LYPD6: variants seen among roughly 807,000 people sequenced by gnomAD.
LYPD6 encodes the protein ly6/PLAUR domain-containing protein 6.
In LYPD6, 15 loss-of-function variants were observed where a neutral mutation model predicts 22.7. The ratio of observed to expected loss-of-function variants is 0.66; its 90% CI spans 0.44 to 1.02. LYPD6 has a LOEUF of 1.02. Among genes scored for constraint, LYPD6 ranks in the 50% least tolerant of loss-of-function variants. The pLI is 0.00. For synonymous variants in LYPD6, 72 were observed against 77.5 expected (o/e 0.93, Z 0.37); for missense variants, 189 against 208.4 (o/e 0.91, Z 0.57).
At chr2:149,451,452 C>T (rs1016582734) in intron 3 of LYPD6, among the ~76,000 whole-genome samples, 3 of 152,136 alleles carry the variant, frequency 2.0e-5, no homozygotes, top group Non-Finnish European at 2.9e-5. Context: ...ACTGACTGAG[C>T]TTTGAGGTAA....
chr2:149,404,186 T>G (rs1183119433), intron 1 of LYPD6, among the ~76,000 whole-genome samples: 1 of 152,212 alleles, frequency 6.6e-6, no homozygotes, highest in Non-Finnish European at 1.5e-5. Flanking sequence ...AGCTTTGTTC[T>G]TTTGGCTTAG....
At chr2:149,376,636 G>A (rs1486646247) in intron 1 of LYPD6, among the ~76,000 whole-genome samples, 1 of 152,176 alleles carries the variant, frequency 6.6e-6, no homozygotes, top group African/African-American at 2.4e-5. Flanking sequence ...TGCCATACAT[G>A]TGTAGAAGAT....
At chr2:149,428,713 G>C (rs1363662125) in intron 1 of LYPD6, among the ~76,000 whole-genome samples, 1 of 152,240 alleles carries the variant, frequency 6.6e-6, no homozygotes, top group Non-Finnish European at 1.5e-5. Context: ...GGTGTTAGCA[G>C]AAGACCCGTT....
At chr2:149,370,310 A>G (rs1037531486) in intron 1 of LYPD6, among the ~76,000 whole-genome samples, 1 of 152,060 alleles carries the variant, frequency 6.6e-6, no homozygotes, top group Non-Finnish European at 1.5e-5. Context: ...TCTGAAGTAA[A>G]TGCTCCTGTG....
At chr2:149,356,474 G>A (rs1196699) in intron 1 of LYPD6, among the ~76,000 whole-genome samples, 84,066 of 152,046 alleles carry the variant, frequency 0.55, 25,951 homozygotes, top group East Asian at 0.9. Flanking sequence ...CCCAAGTATG[G>A]CTACTGGCCT....
At chr2:149,447,899 G>A (rs1022543369) in intron 2 of LYPD6, among the ~76,000 whole-genome samples, 1 of 152,188 alleles carries the variant, frequency 6.6e-6, no homozygotes, top group African/African-American at 2.4e-5. Flanking sequence ...AGTTTGGGAG[G>A]CCGAGGCTGG....
At chr2:149,399,736 AAAT>A (rs2105107384) in intron 1 of LYPD6, among the ~76,000 whole-genome samples, 1 of 151,262 alleles carries the variant, frequency 6.6e-6, no homozygotes, top group South Asian at 2.1e-4. Flanking sequence ...GGATAAATAA[AAAT>A]AAGTACATAA....
At chr2:149,426,810 G>A (rs1314474508) in intron 1 of LYPD6, among the ~76,000 whole-genome samples, 1 of 152,118 alleles carries the variant, frequency 6.6e-6, no homozygotes, top group Admixed American at 6.5e-5. Flanking sequence ...TAATAATGTG[G>A]GTAAGCAGGG....
chr2:149,383,725 G>A (rs1682119540), intron 1 of LYPD6, among the ~76,000 whole-genome samples: 1 of 152,162 alleles, frequency 6.6e-6, no homozygotes, highest in South Asian at 2.1e-4. Flanking sequence ...TCAATTTAAA[G>A]CATTGGTCCA....
chr2:149,443,276 A>C (rs1465444783), intron 2 of LYPD6, among the ~76,000 whole-genome samples: 1 of 152,200 alleles, frequency 6.6e-6, no homozygotes, highest in Non-Finnish European at 1.5e-5. Flanking sequence ...TTCATTCAGA[A>C]TTCTTAATTT....
chr2:149,393,551 G>A lies in LYPD6; in HGVS notation c.-71-44087G>A, dbSNP rs558902779. Among the ~76,000 whole-genome samples, 17 of 152,324 alleles carry A rather than the reference G, an allele frequency of 1.1e-4. No individual in the cohort carries two copies. The South Asian group carries it at 2.1e-3, about 19-fold the overall frequency. On this transcript the variant is annotated intron_variant, in intron 1 of 4. Coordinates refer to ENST00000334166, the MANE Select transcript of LYPD6 (RefSeq NM_194317.5). ...GCCCACTGAGTTAGGGGGCATAAAA[G>A]CAGAGTGGACAGGGCAGCCTCACCA...
intron 1 of LYPD6, among the ~76,000 whole-genome samples, chr2:149,349,134 T>C (rs1681314484): frequency 6.6e-6 from 1 of 151,732 alleles, no homozygotes; most frequent in African/African-American, 2.4e-5. Flanking sequence ...AATGGAGAAA[T>C]GGAGTAGGAG....
Position 149,433,633 on chromosome 2 carries a change from A to G in LYPD6, c.-71-4005A>G, listed in dbSNP as rs188792479. 9.4e-4 allele frequency among the ~76,000 whole-genome samples: 143 copies of G among 152,274 alleles called. No homozygotes were observed. The South Asian group carries it at 0.01, about 11-fold the overall frequency. The stretch of plus-strand genomic sequence containing the variant: ...TGGCCATTTGGGTTTTTTAGCTTCT[A>G]TGAGCAGAGTGCTGTACTCCAGTCC... On this transcript the variant is annotated intron_variant, in intron 1 of 4. Transcript: ENST00000334166.
At chr2:149,406,656 A>AG (rs1179382542) in intron 1 of LYPD6, among the ~76,000 whole-genome samples, 1 of 152,232 alleles carries the variant, frequency 6.6e-6, no homozygotes, top group Non-Finnish European at 1.5e-5. Context: ...TCCTGAATAC[A>AG]GCACACTGAT....
chr2:149,477,622 CAAAAAAA>C (rs35507967), downstream of LYPD6, among the ~76,000 whole-genome samples: 1,143 of 63,052 alleles, frequency 0.018, 6 homozygotes, highest in Middle Eastern at 0.056. Flanking sequence ...AACTGTGTCT[CAAAAAAA>C]AAAAAAAAAA....
chr2:149,331,246 C>T (rs965613479), intron 1 of LYPD6, among the ~76,000 whole-genome samples: 4 of 152,194 alleles, frequency 2.6e-5, no homozygotes, highest in African/African-American at 9.6e-5. Context: ...CCACGCTAGG[C>T]CTTTCAGCCA....
At chr2:149,392,841 T>C (rs1043889359) in intron 1 of LYPD6, among the ~76,000 whole-genome samples, 18 of 152,062 alleles carry the variant, frequency 1.2e-4, no homozygotes, top group Admixed American at 3.3e-4. Flanking sequence ...CTGACCAATA[T>C]GGTGAAACTC....
rs977059257 is a variant in LYPD6, at chr2:149,473,575, T to C, written c.*2725T>C. On this transcript the variant is annotated 3_prime_UTR_variant, in exon 5 of 5. Coordinates refer to ENST00000334166, the MANE Select transcript of LYPD6 (RefSeq NM_194317.5). ...TCAATATGGGATTAATGCCTAAACT[T>C]TGTAAATATTGTACAGTTTGTAAAT... is the stretch of plus-strand genomic sequence containing the variant. 1 of 152,292 alleles carries C rather than the reference T, an allele frequency of 6.6e-6. No homozygotes were observed. Among genetic ancestry groups the C allele is most frequent in the Non-Finnish European group, 1.5e-5 (1 of 68,032 alleles). 9.4% of individuals were successfully genotyped at this position (152,292 alleles called of 1,614,324 possible).
chr2:149,457,234 T>A (rs1328659563), intron 3 of LYPD6, among the ~76,000 whole-genome samples: 2 of 152,212 alleles, frequency 1.3e-5, no homozygotes, highest in African/African-American at 4.8e-5. Flanking sequence ...TTATTTCTCT[T>A]TTAAATTTGA....
Sources: allele counts gnomAD v4.1 joint callset (sites outside exome capture counted in the v4.1 genomes callset), GRCh38; gene constraint gnomAD v4.1.1; transcripts MANE v1.5; gene names NCBI Gene and HGNC (gene_info 2026-07-23, HGNC 2026-07-21).